Variants in ARHGAP6 observed in about 807,000 individuals in gnomAD.
ARHGAP6 encodes Rho GTPase activating protein 6.
A neutral mutation model predicts 55.7 loss-of-function variants in ARHGAP6; 16 were observed. The ratio of observed to expected loss-of-function variants is 0.29; its 90% CI spans 0.19 to 0.44. ARHGAP6 has a LOEUF of 0.44. Among genes scored for constraint, ARHGAP6 ranks in the 20% least tolerant of loss-of-function variants. The pLI, the probability that ARHGAP6 is intolerant of heterozygous loss-of-function variation, is 1.00. For missense variants in ARHGAP6, 698 were observed against 808.9 expected (o/e 0.86, Z 1.66); for synonymous variants, 382 against 360.9 (o/e 1.06, Z -0.66).
intron 1 of ARHGAP6, among the ~76,000 whole-genome samples, chrX:11,266,715 A>G (rs1295085104): frequency 8.9e-6 from 1 of 112,035 alleles, no homozygotes; most frequent in East Asian, 2.8e-4. Flanking sequence ...CAACTCGAAA[A>G]GACATCTTTG....
intron 1 of ARHGAP6, among the ~76,000 whole-genome samples, chrX:11,266,176 A>C (rs1320168598): frequency 1.8e-5 from 2 of 108,769 alleles, no homozygotes; most frequent in Non-Finnish European, 3.8e-5. Flanking sequence ...GAAGAAATAT[A>C]CTCGAGTTAG....
chrX:11,252,441 C>G (rs1433581688), intron 2 of ARHGAP6, among the ~76,000 whole-genome samples: 1 of 112,381 alleles, frequency 8.9e-6, no homozygotes, highest in Non-Finnish European at 1.9e-5. Flanking sequence ...GGAGGGAGAA[C>G]AGGCCTCATC....
intron 1 of ARHGAP6, among the ~76,000 whole-genome samples, chrX:11,523,775 C>A (rs759854543): frequency 9.0e-6 from 1 of 110,935 alleles, no homozygotes; most frequent in Non-Finnish European, 1.9e-5. Flanking sequence ...AAAGTAGAAC[C>A]AGCAAGTGGA....
At chrX:11,518,091 G>T (rs958997351) in intron 1 of ARHGAP6, among the ~76,000 whole-genome samples, 1 of 111,071 alleles carries the variant, frequency 9.0e-6, no homozygotes, top group African/African-American at 3.3e-5. Flanking sequence ...CCTTACCCAC[G>T]CACTCATCCA....
In ARHGAP6 at chrX:11,635,467, A is replaced by G. The variant is rs558961987; in HGVS notation, c.588+28774T>C. 2.8e-3 allele frequency among the ~76,000 whole-genome samples: 316 copies of G among 111,795 alleles called. 1 individual carries two copies. Among genetic ancestry groups the G allele is most frequent in the African/African-American group, 9.0e-3 (279 of 30,864 alleles). On this transcript the variant is annotated intron_variant, in intron 1 of 12. Transcript: ENST00000337414. ...CACTTTATATTTTTAATAAATACTTAGTAAAATTTAATTATAATTTTGCTC... is the reference window on the plus strand; with the variant it reads ...CACTTTATATTTTTAATAAATACTTGGTAAAATTTAATTATAATTTTGCTC...
intron 1 of ARHGAP6, among the ~76,000 whole-genome samples, chrX:11,376,878 T>C (rs145472340): frequency 9.0e-6 from 1 of 111,489 alleles, no homozygotes; most frequent in Admixed American, 9.5e-5. Context: ...AGAGGTACCA[T>C]GTCCAAGGTC....
intron 1 of ARHGAP6, among the ~76,000 whole-genome samples, chrX:11,424,727 G>A (rs901474256): frequency 8.9e-6 from 1 of 112,283 alleles, no homozygotes; most frequent in Non-Finnish European, 1.9e-5. Context: ...AGGCATCAAG[G>A]ACAACACCCA....
intron 1 of ARHGAP6, among the ~76,000 whole-genome samples, chrX:11,476,259 G>C (rs2050402649): frequency 9.0e-6 from 1 of 111,236 alleles, no homozygotes; most frequent in African/African-American, 3.3e-5. Context: ...ATCAATGAAG[G>C]ATTGAAAGAT....
intron 2 of ARHGAP6, among the ~76,000 whole-genome samples, chrX:11,233,563 A>G (rs1387862311): frequency 8.9e-6 from 1 of 112,190 alleles, no homozygotes; most frequent in African/African-American, 3.2e-5. Flanking sequence ...GCTTGTTCAT[A>G]GGAGTTGAGA....
intron 6 of ARHGAP6, among the ~76,000 whole-genome samples, chrX:11,181,121 G>T (rs1047969639): frequency 2.7e-5 from 3 of 111,697 alleles, no homozygotes; most frequent in Non-Finnish European, 5.6e-5. Flanking sequence ...CTTTCTTCCT[G>T]CAAGTTCTGT....
At chrX:11,261,985 C>A (rs1160224645) in intron 1 of ARHGAP6, among the ~76,000 whole-genome samples, 1 of 111,690 alleles carries the variant, frequency 9.0e-6, no homozygotes, top group Non-Finnish European at 1.9e-5. Context: ...CTGTTAAGCC[C>A]AGATTACATA....
intron 1 of ARHGAP6, among the ~76,000 whole-genome samples, chrX:11,485,667 T>C (rs2050503981): frequency 8.9e-6 from 1 of 112,557 alleles, no homozygotes; most frequent in South Asian, 3.7e-4. Context: ...TTATATGCCA[T>C]ACCCATTCAC....
At position 11,207,909 on chromosome X, in the gene ARHGAP6, C is replaced by T. The variant is rs763303456; in HGVS notation, c.749-10913G>A. ...GAGAAGTGCATATGTTGTCACCTGCCGCTCTGCTGCCTCCATAGCCCATGT... is the reference window on the plus strand; with the variant it reads ...GAGAAGTGCATATGTTGTCACCTGCTGCTCTGCTGCCTCCATAGCCCATGT... On this transcript the variant is annotated intron_variant, in intron 2 of 12. Coordinates refer to ENST00000337414, the MANE Select transcript of ARHGAP6 (RefSeq NM_013427.3). Among the ~76,000 whole-genome samples the T allele has an allele frequency of 5.4e-5, 6 of 111,538 alleles. No homozygotes were observed. The South Asian group carries it at 1.9e-3, about 36-fold the overall frequency.
intron 1 of ARHGAP6, among the ~76,000 whole-genome samples, chrX:11,453,210 T>TATATATATATGCTATATATATACATA (rs1299832095): frequency 2.0e-5 from 2 of 100,215 alleles, no homozygotes; most frequent in Non-Finnish European, 4.0e-5. Context: ...ATATACATAA[T>TATATATATATGCTATATATATACATA]ATATATATAT....
At chrX:11,422,427 T>C (rs1056075517) in intron 1 of ARHGAP6, among the ~76,000 whole-genome samples, 6 of 111,231 alleles carry the variant, frequency 5.4e-5, no homozygotes, top group Admixed American at 1.9e-4. Flanking sequence ...GAGAAGACCA[T>C]GTAAGGAGCA....
At chrX:11,362,974 G>A (rs1369400873) in intron 1 of ARHGAP6, among the ~76,000 whole-genome samples, 2 of 111,469 alleles carry the variant, frequency 1.8e-5, no homozygotes, top group African/African-American at 3.3e-5. Flanking sequence ...ACACACATGC[G>A]CATATAAAAA....
intron 1 of ARHGAP6, among the ~76,000 whole-genome samples, chrX:11,448,819 T>A (rs73184360): frequency 0.03 from 3,313 of 111,339 alleles, 62 homozygotes; most frequent in Non-Finnish European, 0.047. Flanking sequence ...CACCCCTGCA[T>A]GTACATTCCA....
chrX:11,374,495 G>A (rs947283504), intron 1 of ARHGAP6, among the ~76,000 whole-genome samples: 3 of 112,228 alleles, frequency 2.7e-5, no homozygotes, highest in Non-Finnish European at 5.6e-5. Flanking sequence ...AACATTTAAA[G>A]TGTTAGCTTT....
At chrX:11,593,089 C>T (rs768095002) in intron 1 of ARHGAP6, among the ~76,000 whole-genome samples, 15 of 112,147 alleles carry the variant, frequency 1.3e-4, no homozygotes, top group South Asian at 3.7e-4. Context: ...GAATTTGCAA[C>T]GAATGACCAG....
Sources: gnomAD v4.1 joint callset for allele counts (sites outside exome capture counted in the v4.1 genomes callset) on GRCh38, gnomAD v4.1.1 for gene constraint, MANE v1.5 for transcripts, NCBI Gene and HGNC (gene_info 2026-07-23, HGNC 2026-07-21) for gene names.